LIMD1: variants seen among roughly 807,000 people sequenced by gnomAD.
LIMD1 encodes the protein LIM domain-containing protein 1.
Under a neutral mutation model 58.4 loss-of-function variants are expected in LIMD1, and 23 were observed. The observed-to-expected ratio is 0.39, with a 90% CI of 0.28 to 0.56. The LOEUF (loss-of-function observed/expected upper bound fraction) is 0.56. Among genes scored for constraint, LIMD1 ranks in the 20% least tolerant of loss-of-function variants. The pLI is 0.57. For missense variants in LIMD1, 838 were observed against 855.5 expected, an observed-to-expected ratio of 0.98 and a Z score of 0.25; for synonymous variants, 334 against 345.5, an observed-to-expected ratio of 0.97 and a Z score of 0.37.
In LIMD1 at chr3:45,661,613, A is replaced by G. The variant is rs1005542209; in HGVS notation, c.1511-4037A>G. Among the ~76,000 whole-genome samples, 60 of 152,216 alleles carry G rather than the reference A, an allele frequency of 3.9e-4. 1 individual carries two copies. Among genetic ancestry groups the G allele is most frequent in the Non-Finnish European group, 2.9e-5 (2 of 68,036 alleles). ...GTAAATTCTACTGACATTTAATACA[A>G]ATTTCTCTCCTAAGAGCTTGTTTTA... On this transcript the variant is annotated intron_variant, in intron 2 of 7. Transcript: ENST00000273317.
At chr3:45,668,235 G>A (rs1697543197) in intron 3 of LIMD1, 59 bp from the exon 4 acceptor site, 5 of 1,314,362 alleles carry the variant, frequency 3.8e-6, no homozygotes, top group Admixed American at 1.8e-5. Context: ...GGCTGTTGGG[G>A]AAGTGGCTGA....
Position 45,595,643 on chromosome 3 carries a change from G to A in LIMD1, c.764G>A (p.Ser255Asn). The change falls in exon 1 of 8, where the codon AGC (serine) becomes AAC (asparagine). Residue 255 changes from serine (S) to asparagine (N), a missense_variant. Around this residue, in one of 3 missense-constraint regions of LIMD1, gnomAD observed 659 missense variants for 639.8 expected, o/e 1.03. Coordinates refer to ENST00000273317, the MANE Select transcript of LIMD1 (RefSeq NM_014240.3). ...CAGAATAGTGGCATTGGTGGCCGCA[G>A]CAGCGAGAAGCCAACAGGCCTTTGG... ...GGQNSGIGGR[S>N]SEKPTGLWST... 1 of 1,614,182 alleles carries A rather than the reference G, an allele frequency of 6.2e-7. No individual in the cohort carries two copies. The highest frequency in any genetic ancestry group is 8.5e-7 in the Non-Finnish European group (1 of 1,180,040).
At chr3:45,628,513 T>C (rs1701693007) in intron 1 of LIMD1, among the ~76,000 whole-genome samples, 1 of 152,228 alleles carries the variant, frequency 6.6e-6, no homozygotes. Context: ...TCATGCCAAG[T>C]GTTGGCAAGG....
At chr3:45,643,843 G>T (rs1303375331) in intron 2 of LIMD1, among the ~76,000 whole-genome samples, 1 of 152,152 alleles carries the variant, frequency 6.6e-6, no homozygotes, top group Non-Finnish European at 1.5e-5. Context: ...GATGGTGCTG[G>T]AATGTGTAAG....
Position 45,674,430 on chromosome 3 carries a change from A to AC in LIMD1, c.1893+19_1893+20insC. On this transcript the variant is annotated intron_variant, in intron 7 of 7. Coordinates refer to ENST00000273317, the MANE Select transcript of LIMD1 (RefSeq NM_014240.3). ...CTGCGAGGTAGACCCCTCCCCACCC[A>AC]GCCCCCAAAGCCCATTGTAGACATC... is the stretch of plus-strand genomic sequence containing the variant. 4.4e-6 allele frequency: 5 copies of AC among 1,134,868 alleles called. No individual in the cohort carries two copies. The highest frequency in any genetic ancestry group is 3.9e-5 in the East Asian group (1 of 25,544). 70.3% of individuals were successfully genotyped at this position (1,134,868 alleles called of 1,614,324 possible).
At chr3:45,675,812 G>C (rs1313425895) in intron 7 of LIMD1, among the ~76,000 whole-genome samples, 4 of 152,118 alleles carry the variant, frequency 2.6e-5, no homozygotes, top group Non-Finnish European at 4.4e-5. Flanking sequence ...TTTGAGAACA[G>C]CATGGACAAC....
chr3:45,628,425 A>G (rs1701687728), intron 1 of LIMD1, among the ~76,000 whole-genome samples: 2 of 152,262 alleles, frequency 1.3e-5, no homozygotes, highest in Non-Finnish European at 2.9e-5. Flanking sequence ...CAGTTACTAG[A>G]GAGATGCAGA....
rs1559510633 is a variant in LIMD1 at position 45,594,806 on chromosome 3, C to CACACACACACGGCACCTGG, written c.-64_-63insGGCACCTGGACACACACAC. ...ACACACACACACACACACACACACACACACACACACACACACACACACACA... is the reference window on the plus strand; with the variant it reads ...ACACACACACACACACACACACACACACACACACACGGCACCTGGACACACACACACACACACACACACA... On this transcript the variant is annotated 5_prime_UTR_variant, in exon 1 of 8. Coordinates refer to ENST00000273317, the MANE Select transcript of LIMD1 (RefSeq NM_014240.3). 9 of 486,352 alleles carry CACACACACACGGCACCTGG rather than the reference C, an allele frequency of 1.9e-5. No homozygotes were observed. The highest frequency in any genetic ancestry group is 1.8e-4 in the African/African-American group (9 of 50,158). The allele number at this position is 486,352 out of a possible 1,614,324, so 30.1% of individuals were successfully genotyped here. A position where few individuals can be genotyped will look rare whatever the true frequency, so the allele number is the denominator to read the frequency against.
intron 2 of LIMD1, among the ~76,000 whole-genome samples, chr3:45,659,665 T>C (rs1697401122): frequency 6.6e-6 from 1 of 152,202 alleles, no homozygotes; most frequent in Non-Finnish European, 1.5e-5. Flanking sequence ...TAAAACACTA[T>C]TTAAATGACA....
chr3:45,631,476 G>T (rs1439900994), intron 1 of LIMD1, among the ~76,000 whole-genome samples: 1 of 152,088 alleles, frequency 6.6e-6, no homozygotes, highest in East Asian at 1.9e-4. Flanking sequence ...TTCTTATGGG[G>T]TCTTCCTCAC....
In LIMD1 at chr3:45,683,779, G is replaced by GT. The variant is rs1559529253; in HGVS notation, c.*6725dup. The GT allele has an allele frequency of 3.9e-5, 6 of 152,146 alleles. No individual in the cohort carries two copies. Among genetic ancestry groups the GT allele is most frequent in the Admixed American group, 2.6e-4 (4 of 15,274 alleles). The allele number at this position is 152,146 out of a possible 1,614,324, so 9.4% of individuals were successfully genotyped here. On this transcript the variant is annotated 3_prime_UTR_variant, in exon 8 of 8. Coordinates refer to ENST00000273317, the MANE Select transcript of LIMD1 (RefSeq NM_014240.3). ...CTCCCACCCTGTGGAGCGTACTTTCGTTTTTCAATAAATCTCTTTTGTTGC... is the reference window on the plus strand; with the variant it reads ...CTCCCACCCTGTGGAGCGTACTTTCGTTTTTTCAATAAATCTCTTTTGTTGC...
At chr3:45,627,706 C>CA (rs35897504) in intron 1 of LIMD1, among the ~76,000 whole-genome samples, 43,749 of 97,074 alleles carry the variant, frequency 0.45, 9,050 homozygotes, top group South Asian at 0.57. Context: ...CTAAAACAAC[C>CA]AAAAAAAAAA....
intron 2 of LIMD1, among the ~76,000 whole-genome samples, chr3:45,639,882 C>T (rs998164323): frequency 7.9e-5 from 12 of 152,152 alleles, no homozygotes; most frequent in East Asian, 3.9e-4. Flanking sequence ...AGGCTGGTCT[C>T]GAAGTCCTGA....
At chr3:45,610,887 T>C (rs1043127089) in intron 1 of LIMD1, among the ~76,000 whole-genome samples, 1 of 152,250 alleles carries the variant, frequency 6.6e-6, no homozygotes, top group Non-Finnish European at 1.5e-5. Context: ...GAGTGGCTTA[T>C]TAATATTTTT....
At chr3:45,659,218 T>C (rs1697394562) in intron 2 of LIMD1, among the ~76,000 whole-genome samples, 1 of 152,266 alleles carries the variant, frequency 6.6e-6, no homozygotes, top group African/African-American at 2.4e-5. Flanking sequence ...TGTTTGTTTT[T>C]TTCCCTTTTG....
At chr3:45,614,767 T>TG (rs1338901607) in intron 1 of LIMD1, among the ~76,000 whole-genome samples, 825 of 35,222 alleles carry the variant, frequency 0.023, 6 homozygotes, top group Admixed American at 0.061. Flanking sequence ...AATTCCTGGG[T>TG]GTTTTTTTTT....
chr3:45,648,011 C>CTT (rs60438333), intron 2 of LIMD1, among the ~76,000 whole-genome samples: 4,604 of 152,168 alleles, frequency 0.03, 76 homozygotes, highest in Non-Finnish European at 0.041. Flanking sequence ...CCATGTGCAC[C>CTT]CTTCATTTGC....
At chr3:45,643,431 G>C (rs1352570079) in intron 2 of LIMD1, among the ~76,000 whole-genome samples, 1 of 151,630 alleles carries the variant, frequency 6.6e-6, no homozygotes, top group Non-Finnish European at 1.5e-5. Context: ...TTTTCAGTGA[G>C]CCAAGATTGC....
Position 45,681,951 on chromosome 3 carries a change from C to T in LIMD1, c.*4892C>T, listed in dbSNP as rs1268899160. 3 of 152,282 alleles carry T rather than the reference C, an allele frequency of 2.0e-5. No homozygotes were observed. Among genetic ancestry groups the T allele is most frequent in the Non-Finnish European group, 4.4e-5 (3 of 68,026 alleles). The allele number at this position is 152,282 out of a possible 1,614,324, so 9.4% of individuals were successfully genotyped here. A position where few individuals can be genotyped will look rare whatever the true frequency, so the allele number is the denominator to read the frequency against. On this transcript the variant is annotated 3_prime_UTR_variant, in exon 8 of 8. Transcript: ENST00000273317. ...GGTTATGACCAAAGAATCCTCAAGG[C>T]GAGTGATCCTTCAGGTTTGAGACAG...
Sources: allele counts gnomAD v4.1 joint callset (sites outside exome capture counted in the v4.1 genomes callset), GRCh38; gene constraint gnomAD v4.1.1; regional missense constraint gnomAD v4.1.1; transcripts MANE v1.5; gene names NCBI Gene and HGNC (gene_info 2026-07-23, HGNC 2026-07-21).